ABTB3: variants seen among roughly 807,000 people sequenced by gnomAD.
ABTB3 encodes ankyrin repeat and BTB domain containing 3.
chr12:107,482,291 C>G, the ABTB3 span, among the ~76,000 whole-genome samples: 1 of 152,096 alleles, frequency 6.6e-6, no homozygotes, highest in Non-Finnish European at 1.5e-5. Context: ...AAGGATCTAC[C>G]CATGGTTTTG....
At chr12:107,636,574 A>AT in the ABTB3 span, among the ~76,000 whole-genome samples, 1 of 152,246 alleles carries the variant, frequency 6.6e-6, no homozygotes, top group East Asian at 1.9e-4. Context: ...CCCATCTTGA[A>AT]TAACTTGTTA....
chr12:107,616,952 C>T, the ABTB3 span: 4 of 811,436 alleles, frequency 4.9e-6, no homozygotes, highest in Non-Finnish European at 8.2e-6. Flanking sequence ...TACAGTTGCC[C>T]TCCAGCCTGT....
the ABTB3 span, among the ~76,000 whole-genome samples, chr12:107,456,758 T>A: frequency 3.9e-5 from 6 of 152,118 alleles, no homozygotes; most frequent in Admixed American, 3.3e-4. Flanking sequence ...TGATGTAACT[T>A]GCTCAAGGTC....
At chr12:107,361,959 C>T in the ABTB3 span, among the ~76,000 whole-genome samples, 1 of 152,288 alleles carries the variant, frequency 6.6e-6, no homozygotes, top group Admixed American at 6.5e-5. Context: ...CCCCTTCCAA[C>T]ATGTTAGGAC....
At chr12:107,372,257 G>A in the ABTB3 span, among the ~76,000 whole-genome samples, 1 of 152,144 alleles carries the variant, frequency 6.6e-6, no homozygotes, top group Non-Finnish European at 1.5e-5. Flanking sequence ...CAGGACCAGC[G>A]TTAGGTCTTG....
At chr12:107,418,590 G>A in the ABTB3 span, among the ~76,000 whole-genome samples, 1 of 152,188 alleles carries the variant, frequency 6.6e-6, no homozygotes, top group East Asian at 1.9e-4. Context: ...CACACAGTAG[G>A]TGTTCCACAG....
At chr12:107,638,368 G>C in the ABTB3 span, among the ~76,000 whole-genome samples, 2 of 152,142 alleles carry the variant, frequency 1.3e-5, no homozygotes, top group African/African-American at 2.4e-5. Flanking sequence ...AGGGCCCCAA[G>C]GTGCAGTCAG....
the ABTB3 span, among the ~76,000 whole-genome samples, chr12:107,553,891 G>A: frequency 6.6e-6 from 1 of 152,208 alleles, no homozygotes; most frequent in African/African-American, 2.4e-5. Flanking sequence ...AGTGAGCCAA[G>A]ATTGTGCCAC....
chr12:107,434,274 G>A, the ABTB3 span, among the ~76,000 whole-genome samples: 217 of 152,268 alleles, frequency 1.4e-3, no homozygotes, highest in Admixed American at 2.6e-4. Flanking sequence ...CCCCTAGCAG[G>A]CACACAAAGT....
the ABTB3 span, among the ~76,000 whole-genome samples, chr12:107,325,787 C>A: frequency 4.9e-4 from 74 of 152,178 alleles, no homozygotes; most frequent in Non-Finnish European, 1.2e-4. Context: ...CTGTAAGCTG[C>A]AGTTTCCCTA....
the ABTB3 span, among the ~76,000 whole-genome samples, chr12:107,484,750 G>A: frequency 2.2e-4 from 33 of 152,292 alleles, no homozygotes; most frequent in African/African-American, 7.2e-4. Context: ...GTCAGGACCA[G>A]GTGCTACTTC....
the ABTB3 span, among the ~76,000 whole-genome samples, chr12:107,495,290 C>T: frequency 3.9e-5 from 6 of 152,314 alleles, no homozygotes; most frequent in South Asian, 2.1e-4. Context: ...CCTACCTGCA[C>T]GGGCTCAGCC....
chr12:107,511,041 A>T, the ABTB3 span, among the ~76,000 whole-genome samples: 1 of 152,186 alleles, frequency 6.6e-6, no homozygotes, highest in South Asian at 2.1e-4. Context: ...AAGAGAGCAG[A>T]GCAAATGCAA....
the ABTB3 span, among the ~76,000 whole-genome samples, chr12:107,464,206 A>AGT: frequency 1.5e-3 from 194 of 133,628 alleles, 2 homozygotes; most frequent in South Asian, 4.9e-3. Context: ...ACATGTGAAG[A>AGT]GTGTGTGTGT....
chr12:107,628,288 C>T, the ABTB3 span, among the ~76,000 whole-genome samples: 1 of 152,158 alleles, frequency 6.6e-6, no homozygotes, highest in Non-Finnish European at 1.5e-5. Flanking sequence ...TTAACAGGTG[C>T]CTGCCACCAT....
chr12:107,346,183 T>A, the ABTB3 span, among the ~76,000 whole-genome samples: 1 of 152,172 alleles, frequency 6.6e-6, no homozygotes, highest in Non-Finnish European at 1.5e-5. Context: ...GATTAGGGAT[T>A]CTTTTGGGGG....
At chr12:107,614,263 C>T in the ABTB3 span, among the ~76,000 whole-genome samples, 1 of 152,110 alleles carries the variant, frequency 6.6e-6, no homozygotes, top group African/African-American at 2.4e-5. Context: ...TTTTAGGCCT[C>T]CATCCTGAAA....
the ABTB3 span, among the ~76,000 whole-genome samples, chr12:107,593,920 C>T: frequency 1.3e-5 from 2 of 152,196 alleles, no homozygotes; most frequent in African/African-American, 4.8e-5. Flanking sequence ...TTCCTATTGG[C>T]CAGCACTTGG....
the ABTB3 span, among the ~76,000 whole-genome samples, chr12:107,467,568 C>T: frequency 6.6e-6 from 1 of 152,174 alleles, no homozygotes; most frequent in Non-Finnish European, 1.5e-5. Flanking sequence ...CACCTGGATT[C>T]TGCGTTACTC....
Sources: allele counts gnomAD v4.1 joint callset (sites outside exome capture counted in the v4.1 genomes callset), GRCh38; gene constraint gnomAD v4.1.1; transcripts MANE v1.5; gene names NCBI Gene and HGNC (gene_info 2026-07-23, HGNC 2026-07-21).